Variants in KCNH7 observed in about 807,000 individuals in gnomAD.
KCNH7 encodes potassium voltage-gated channel subfamily H member 7, also known as voltage-gated inwardly rectifying potassium channel KCNH7.
In KCNH7, 49 loss-of-function variants were observed where a neutral mutation model predicts 120.8. That is an observed-to-expected ratio of 0.41 (90% CI 0.32 to 0.51). KCNH7 has a LOEUF of 0.51. Ranked by LOEUF, KCNH7 falls within the 20% of genes least tolerant of loss-of-function variation. The probability of loss-of-function intolerance (pLI) is 0.38; values close to 1 mark genes in which losing one functional copy is unlikely to be tolerated. For synonymous variants in KCNH7, 547 were observed against 516.1 expected, an observed-to-expected ratio of 1.06 and a Z score of -0.81; for missense variants, 1,097 against 1,446.6, an observed-to-expected ratio of 0.76 and a Z score of 3.92.
chr2:162,374,405 A>AAT (rs754530693), intron 14 of KCNH7, among the ~76,000 whole-genome samples: 2 of 152,166 alleles, frequency 1.3e-5, no homozygotes. Flanking sequence ...AAAATAGCAA[A>AAT]ATATAATTGG....
chr2:162,404,725 G>A (rs868858734), intron 9 of KCNH7, among the ~76,000 whole-genome samples: 15 of 151,940 alleles, frequency 9.9e-5, no homozygotes, highest in Non-Finnish European at 1.3e-4. Flanking sequence ...AGAACCATAA[G>A]CCAATTAAAC....
At position 162,439,298 on chromosome 2, in the gene KCNH7, A is replaced by C. The variant is rs559521453; in HGVS notation, c.1555-3701T>G. On this transcript the variant is annotated intron_variant, in intron 7 of 15. Coordinates refer to ENST00000332142, the MANE Select transcript of KCNH7 (RefSeq NM_033272.4). ...TCTGTTTATTGTTATTCTTGAAAGC[A>C]ACTAAAAAGAGCATAAAAGCTCACT... is the stretch of plus-strand genomic sequence containing the variant. Among the ~76,000 whole-genome samples, 5 of 152,262 alleles carry C rather than the reference A, an allele frequency of 3.3e-5. No individual in the cohort carries two copies. In the East Asian group the frequency reaches 9.6e-4, roughly 29 times the overall value.
In KCNH7 at chr2:162,418,933, T is replaced by A. The variant is rs115884370; in HGVS notation, c.2154+4403A>T. Among the ~76,000 whole-genome samples the A allele has an allele frequency of 5.4e-3, 824 of 151,684 alleles. 12 individuals carry two copies. The highest frequency in any genetic ancestry group is 0.019 in the African/African-American group (768 of 41,058). On this transcript the variant is annotated intron_variant, in intron 9 of 15. Coordinates refer to ENST00000332142, the MANE Select transcript of KCNH7 (RefSeq NM_033272.4). ...TGTGTCACTCAGCATCTCACTATGA[T>A]CCTAAGATTTTTTTAGCTTATTAAG...
intron 6 of KCNH7, among the ~76,000 whole-genome samples, chr2:162,491,733 T>C (rs1690315180): frequency 6.6e-6 from 1 of 152,132 alleles, no homozygotes; most frequent in Non-Finnish European, 1.5e-5. Context: ...GGGACACCAT[T>C]ATTTCTCTCC....
intron 2 of KCNH7, among the ~76,000 whole-genome samples, chr2:162,741,167 C>CATTATACATATTAATAACATATGTTATTA (rs1559110235): frequency 1.3e-5 from 2 of 150,834 alleles, no homozygotes; most frequent in Admixed American, 6.6e-5. Context: ...GATATGCTAG[C>CATTATACATATTAATAACATATGTTATTA]ATTATACATA....
rs1038893790 is a variant in KCNH7, at chr2:162,673,457, C to A, written c.308-136377G>T. Among the ~76,000 whole-genome samples, 3 of 151,862 alleles carry A rather than the reference C, an allele frequency of 2.0e-5. No homozygotes were observed. In the East Asian group the frequency reaches 5.8e-4, roughly 29 times the overall value. On this transcript the variant is annotated intron_variant, in intron 2 of 15. Transcript: ENST00000332142. ...ATCTAGTCACAATAATTTATTCTTT[C>A]CCTACCCTGTCATGCTTCTTAATCC...
rs1433838424 is a variant in KCNH7 at position 162,446,115 on chromosome 2, G to A, written c.1457C>T (p.Ala486Val). ...TTTGAAGTAGTGTATTGCTATTTTG[G>A]CGGGATCACTTACCACTTCTTCATT... ...NQNEEVVSDP[A>V]KIAIHYFKGW... The change falls in exon 7 of 16, where the codon GCC becomes GTC. Residue 486 changes from alanine to valine, a missense_variant. By Grantham distance (64) the Ala-to-Val change is moderately conservative (BLOSUM62 0). Transcript: ENST00000332142. 2 of 1,613,686 alleles carry A rather than the reference G, an allele frequency of 1.2e-6. No homozygotes were observed.
chr2:162,680,724 C>A (rs541075405), intron 2 of KCNH7, among the ~76,000 whole-genome samples: 1 of 151,654 alleles, frequency 6.6e-6, no homozygotes, highest in Admixed American at 6.6e-5. Flanking sequence ...ATTGGCTGTG[C>A]GGGTGTCAGT....
At chr2:162,740,104 A>T (rs1688068939) in intron 2 of KCNH7, among the ~76,000 whole-genome samples, 1 of 152,170 alleles carries the variant, frequency 6.6e-6, no homozygotes, top group African/African-American at 2.4e-5. Context: ...GCACTGATGA[A>T]TCAGTGAAAG....
chr2:162,731,921 C>G (rs192491838), intron 2 of KCNH7, among the ~76,000 whole-genome samples: 5 of 152,202 alleles, frequency 3.3e-5, no homozygotes, highest in Admixed American at 1.3e-4. Context: ...TAAGAAGAAG[C>G]CTGTGGGCTT....
intron 3 of KCNH7, among the ~76,000 whole-genome samples, chr2:162,531,018 G>C (rs1691904863): frequency 6.6e-6 from 1 of 151,788 alleles, no homozygotes; most frequent in South Asian, 2.1e-4. Flanking sequence ...ATATACAGGT[G>C]GTAAATAATG....
At chr2:162,399,026 G>T (rs1331995793) in intron 10 of KCNH7, among the ~76,000 whole-genome samples, 3 of 151,840 alleles carry the variant, frequency 2.0e-5, no homozygotes, top group African/African-American at 7.2e-5. Context: ...CAGCAGCAGG[G>T]AAAACAGACA....
chr2:162,806,858 A>C (rs1010044031), intron 2 of KCNH7, among the ~76,000 whole-genome samples: 1 of 152,184 alleles, frequency 6.6e-6, no homozygotes, highest in African/African-American at 2.4e-5. Flanking sequence ...TTAAAAAAAG[A>C]TAATTTGTAA....
Position 162,666,767 on chromosome 2 carries a change from G to A in KCNH7, c.308-129687C>T, listed in dbSNP as rs117894205. On this transcript the variant is annotated intron_variant, in intron 2 of 15. Transcript: ENST00000332142. ...TCACATTATATCATTTATGGATGAT[G>A]TCAGCAACAAGCTGCTGACATCTCT... is the stretch of plus-strand genomic sequence containing the variant. Among the ~76,000 whole-genome samples, 213 of 152,102 alleles carry A rather than the reference G, an allele frequency of 1.4e-3. 2 individuals carry two copies. In the East Asian group the frequency reaches 0.016, roughly 11 times the overall value.
At chr2:162,586,511 G>A (rs1043325416) in intron 2 of KCNH7, among the ~76,000 whole-genome samples, 2 of 152,016 alleles carry the variant, frequency 1.3e-5, no homozygotes, top group African/African-American at 4.8e-5. Context: ...TGCCAGGTGA[G>A]TCCAGCCAGG....
At chr2:162,689,570 G>A (rs913141489) in intron 2 of KCNH7, among the ~76,000 whole-genome samples, 2 of 152,152 alleles carry the variant, frequency 1.3e-5, no homozygotes, top group Admixed American at 1.3e-4. Context: ...ACTACAATAT[G>A]CAAGGTTTAG....
At chr2:162,778,258 T>C (rs1278276815) in intron 2 of KCNH7, among the ~76,000 whole-genome samples, 1 of 152,180 alleles carries the variant, frequency 6.6e-6, no homozygotes, top group Non-Finnish European at 1.5e-5. Flanking sequence ...GTTGATATTA[T>C]ATTATTTATC....
intron 2 of KCNH7, among the ~76,000 whole-genome samples, chr2:162,610,807 G>C (rs1373180511): frequency 1.3e-5 from 2 of 152,318 alleles, no homozygotes; most frequent in South Asian, 2.1e-4. Flanking sequence ...GGTAGGGAGA[G>C]AAGAATGTGG....
intron 2 of KCNH7, among the ~76,000 whole-genome samples, chr2:162,618,107 C>T (rs972763814): frequency 1.3e-5 from 2 of 151,868 alleles, no homozygotes; most frequent in Non-Finnish European, 2.9e-5. Flanking sequence ...TTTATCCTCT[C>T]AAGCAGAGAA....
Sources: gnomAD v4.1 joint callset for allele counts (sites outside exome capture counted in the v4.1 genomes callset) on GRCh38, gnomAD v4.1.1 for gene constraint, MANE v1.5 for transcripts, NCBI Gene and HGNC (gene_info 2026-07-23, HGNC 2026-07-21) for gene names.